The following NAA50 variants were observed in gnomAD, a reference collection of about 807,000 sequenced individuals.
NAA50 encodes N-alpha-acetyltransferase 50.
A neutral mutation model predicts 20.7 loss-of-function variants in NAA50; 7 were observed. The ratio of observed to expected loss-of-function variants is 0.34; its 90% CI spans 0.19 to 0.63. The LOEUF is 0.63. Among genes scored for constraint, NAA50 ranks in the 30% least tolerant of loss-of-function variants. The pLI is 0.75. For missense variants in NAA50, 111 were observed against 199.1 expected, an observed-to-expected ratio of 0.56 and a Z score of 2.66; for synonymous variants, 54 against 70.6, an observed-to-expected ratio of 0.77 and a Z score of 1.18.
intron 1 of NAA50, among the ~76,000 whole-genome samples, chr3:113,735,549 G>T (rs1708330700): frequency 6.6e-6 from 1 of 152,238 alleles, no homozygotes; most frequent in Non-Finnish European, 1.5e-5. Context: ...CTTCTGTTAA[G>T]AATGTAATAT....
intron 2 of NAA50, 137 bp from the exon 3 acceptor site, chr3:113,723,678 G>A: frequency 9.2e-7 from 1 of 1,088,552 alleles, no homozygotes; most frequent in Non-Finnish European, 1.3e-6. Flanking sequence ...TGATCTCAAA[G>A]CTCTTATGCC....
At chr3:113,726,637 G>A (rs1009442225) in intron 1 of NAA50, among the ~76,000 whole-genome samples, 5 of 151,876 alleles carry the variant, frequency 3.3e-5, no homozygotes, top group African/African-American at 9.7e-5. Context: ...ACAGCTACCC[G>A]GGAGGCTGAG....
intron 1 of NAA50, among the ~76,000 whole-genome samples, chr3:113,734,655 G>A (rs1429167152): frequency 1.3e-5 from 2 of 152,132 alleles, no homozygotes; most frequent in Admixed American, 6.6e-5. Flanking sequence ...TTTAAAACAC[G>A]ATTTCTCAAT....
Position 113,721,951 on chromosome 3 carries a change from G to C in NAA50, c.333-14C>G, listed in dbSNP as rs751136685. On this transcript the variant is annotated splice_polypyrimidine_tract_variant and intron_variant, in intron 4 of 4. Coordinates refer to ENST00000240922, the MANE Select transcript of NAA50 (RefSeq NM_025146.4). The stretch of plus-strand genomic sequence containing the variant: ...ATCTGGACATGCCTGAGATATAAGA[G>C]AGTATCAGAAAAAAAATTAAAATTA... 2.0e-5 allele frequency: 32 copies of C among 1,592,764 alleles called. No homozygotes were observed. The highest frequency in any genetic ancestry group is 2.6e-5 in the Non-Finnish European group (31 of 1,172,544).
At chr3:113,732,800 T>C (rs1254550044) in intron 1 of NAA50, among the ~76,000 whole-genome samples, 8 of 152,218 alleles carry the variant, frequency 5.3e-5, no homozygotes, top group Non-Finnish European at 1.2e-4. Context: ...GCCAACACCT[T>C]GATTTTAGCC....
Position 113,721,065 on chromosome 3 carries a change from A to T in NAA50, c.*695T>A, listed in dbSNP as rs1708128523. On this transcript the variant is annotated 3_prime_UTR_variant, in exon 5 of 5. Coordinates refer to ENST00000240922, the MANE Select transcript of NAA50 (RefSeq NM_025146.4). ...AATGCCACTAGTAACAATCAACAGC[A>T]GGAAAAACAAACCTGCTAACAACCA... is the stretch of plus-strand genomic sequence containing the variant. 6.6e-6 allele frequency: 1 copy of T among 152,664 alleles called. No homozygotes were observed. Among genetic ancestry groups the T allele is most frequent in the Non-Finnish European group, 1.5e-5 (1 of 68,052 alleles). 9.5% of individuals were successfully genotyped at this position (152,664 alleles called of 1,614,324 possible). A position where few individuals can be genotyped will look rare whatever the true frequency, so the allele number is the denominator to read the frequency against.
rs561489644 is a variant in NAA50 at position 113,720,664 on chromosome 3, A to G, written c.*1096T>C. On this transcript the variant is annotated 3_prime_UTR_variant, in exon 5 of 5. Coordinates refer to ENST00000240922, the MANE Select transcript of NAA50 (RefSeq NM_025146.4). ...AAGCAAATCTGGGATGTCCTCCAAC[A>G]GATGTGCAATAGCACAGCTATGTTA... 6.5e-6 allele frequency: 1 copy of G among 152,758 alleles called. No individual in the cohort carries two copies. The highest frequency in any genetic ancestry group is 1.9e-4 in the East Asian group (1 of 5,196). The allele number at this position is 152,758 out of a possible 1,614,324, so 9.5% of individuals were successfully genotyped here. A position where few individuals can be genotyped will look rare whatever the true frequency, so the allele number is the denominator to read the frequency against.
Position 113,716,556 on chromosome 3 carries a change from T to C in NAA50, c.*5204A>G, listed in dbSNP as rs2107979594. The C allele has an allele frequency of 6.6e-6, 1 of 152,338 alleles. No homozygotes were observed. The highest frequency in any genetic ancestry group is 1.5e-5 in the Non-Finnish European group (1 of 68,032). The allele number at this position is 152,338 out of a possible 1,614,324, so 9.4% of individuals were successfully genotyped here. A position where few individuals can be genotyped will look rare whatever the true frequency, so the allele number is the denominator to read the frequency against. Reference sequence around the variant, plus strand: ...AATCTTTACAGAAGATTTTTGATACTAGCAAATGTTTCTCAAAGATAAACT... The same window carrying C: ...AATCTTTACAGAAGATTTTTGATACCAGCAAATGTTTCTCAAAGATAAACT... On this transcript the variant is annotated 3_prime_UTR_variant, in exon 5 of 5. Transcript: ENST00000240922.
intron 1 of NAA50, among the ~76,000 whole-genome samples, chr3:113,741,925 T>C (rs1023745319): frequency 2.0e-5 from 3 of 152,370 alleles, no homozygotes; most frequent in Non-Finnish European, 2.9e-5. Flanking sequence ...TTATGCTTTA[T>C]GGCATAGTTG....
At chr3:113,745,326 C>T (rs1320901152) in intron 1 of NAA50, among the ~76,000 whole-genome samples, 1 of 152,142 alleles carries the variant, frequency 6.6e-6, no homozygotes, top group Non-Finnish European at 1.5e-5. Context: ...TACTGATCCA[C>T]CCTATACTTC....
chr3:113,718,024 T>G lies in NAA50; in HGVS notation c.*3736A>C, dbSNP rs1708082430. ...TACCAAGCTGATTCAATGGTTGGTCTGTGTGACTCATGGAATATGGCAGAA... is the reference window on the plus strand; with the variant it reads ...TACCAAGCTGATTCAATGGTTGGTCGGTGTGACTCATGGAATATGGCAGAA... On this transcript the variant is annotated 3_prime_UTR_variant, in exon 5 of 5. Coordinates refer to ENST00000240922, the MANE Select transcript of NAA50 (RefSeq NM_025146.4). The G allele has an allele frequency of 6.6e-6, 1 of 152,226 alleles. No individual in the cohort carries two copies. The highest frequency in any genetic ancestry group is 6.5e-5 in the Admixed American group (1 of 15,272). The allele number at this position is 152,226 out of a possible 1,614,324, so 9.4% of individuals were successfully genotyped here.
rs1559740573 is a variant in NAA50, at chr3:113,733,852, C to CAAAA, written c.9-9758_9-9757insTTTT. ...TGGGTGACAGAGCAAGACTCTGTCT[C>CAAAA]CAAAAAAAAAAAAAAAAAAAAAAAG... On this transcript the variant is annotated intron_variant, in intron 1 of 4. Transcript: ENST00000240922. Among the ~76,000 whole-genome samples, 93 of 57,058 alleles carry CAAAA rather than the reference C, an allele frequency of 1.6e-3. 1 individual carries two copies. The highest frequency in any genetic ancestry group is 9.6e-3 in the African/African-American group (85 of 8,890). 37.4% of individuals were successfully genotyped at this position (57,058 alleles called of 152,430 possible). A position where few individuals can be genotyped will look rare whatever the true frequency, so the allele number is the denominator to read the frequency against.
chr3:113,727,853 A>T (rs1040752821), intron 1 of NAA50, among the ~76,000 whole-genome samples: 3 of 152,192 alleles, frequency 2.0e-5, no homozygotes, highest in Non-Finnish European at 2.9e-5. Context: ...TTTGCAAGAA[A>T]CAAATATGCT....
chr3:113,723,914 AAAAG>A (rs1191772861), intron 2 of NAA50, 41 bp downstream of exon 2: 3 of 1,500,032 alleles, frequency 2.0e-6, no homozygotes, highest in East Asian at 4.6e-5. Flanking sequence ...TTCAAGAACA[AAAAG>A]AAAGAAAAGA....
chr3:113,724,151 G>A (rs1300960378), intron 1 of NAA50, 56 bp from the exon 2 acceptor site: 2 of 1,405,034 alleles, frequency 1.4e-6, no homozygotes, highest in East Asian at 2.6e-5. Flanking sequence ...TTGTTAATAT[G>A]AACATATGAA....
rs1708137428 is a variant in NAA50 at position 113,721,672 on chromosome 3, A to G, written c.*88T>C. 1 of 1,395,070 alleles carries G rather than the reference A, an allele frequency of 7.2e-7. No individual in the cohort carries two copies. The highest frequency in any genetic ancestry group is 1.0e-6 in the Non-Finnish European group (1 of 1,001,422). The allele number at this position is 1,395,070 out of a possible 1,614,324, so 86.4% of individuals were successfully genotyped here. ...GAACAAGGAGGGAGAAAAGCTTTAA[A>G]AGAAAAGTGTTGGGGTGGGGGAGGA... On this transcript the variant is annotated 3_prime_UTR_variant, in exon 5 of 5. Transcript: ENST00000240922.
chr3:113,726,809 T>C (rs1474662614), intron 1 of NAA50, among the ~76,000 whole-genome samples: 1 of 151,778 alleles, frequency 6.6e-6, no homozygotes, highest in Non-Finnish European at 1.5e-5. Context: ...AACTATAGAA[T>C]CCTTTATTTT....
intron 1 of NAA50, among the ~76,000 whole-genome samples, chr3:113,726,216 T>C (rs375031262): frequency 1.5e-4 from 23 of 152,266 alleles, no homozygotes; most frequent in African/African-American, 4.6e-4. Context: ...AAGAGATTTA[T>C]ATATTTAAAA....
At chr3:113,733,538 C>T (rs1708297535) in intron 1 of NAA50, among the ~76,000 whole-genome samples, 1 of 151,990 alleles carries the variant, frequency 6.6e-6, no homozygotes, top group African/African-American at 2.4e-5. Flanking sequence ...AAAAATCCTT[C>T]TCTGTTAAAG....
Sources: gnomAD v4.1 joint callset for allele counts (sites outside exome capture counted in the v4.1 genomes callset) on GRCh38, gnomAD v4.1.1 for gene constraint, MANE v1.5 for transcripts, NCBI Gene and HGNC (gene_info 2026-07-23, HGNC 2026-07-21) for gene names.